Variants in EMG1 observed in about 807,000 individuals in gnomAD.
EMG1 encodes the protein ribosomal RNA small subunit methyltransferase NEP1.
Under a neutral mutation model 26.9 loss-of-function variants are expected in EMG1, and 24 were observed. The observed-to-expected ratio is 0.89, with a 90% CI of 0.65 to 1.26. The LOEUF (loss-of-function observed/expected upper bound fraction) is 1.26. Among genes scored for constraint, EMG1 ranks in the 50% most tolerant of loss-of-function variants. The pLI, the probability that EMG1 is intolerant of heterozygous loss-of-function variation, is 0.00. For missense variants in EMG1, 299 were observed against 307.6 expected (o/e 0.97, Z 0.21); for synonymous variants, 140 against 112.6 (o/e 1.24, Z -1.54).
chr12:6,987,497 A>G lies in EMG1; in HGVS notation c.*155-285A>G, dbSNP rs1946540994. Among the ~76,000 whole-genome samples the G allele has an allele frequency of 6.6e-6, 1 of 152,262 alleles. No homozygotes were observed. The highest frequency in any genetic ancestry group is 2.1e-4 in the South Asian group (1 of 4,836). On this transcript the variant is annotated intron_variant and NMD_transcript_variant, in intron 6 of 7. Transcript: ENST00000261406. This position sits in a 1 kb window ranked among gnomAD's most constrained non-coding sequence, Gnocchi z 4.1. ...GGCAGAGACAGAACACCAGGTTAGCAGCAAATATTGCTAAGAACTAGAGCC... is the reference window on the plus strand; with the variant it reads ...GGCAGAGACAGAACACCAGGTTAGCGGCAAATATTGCTAAGAACTAGAGCC...
In EMG1 at chr12:6,975,713, A is replaced by G. The variant is rs1555153067; in HGVS notation, c.639A>G (p.Thr213=). 1.9e-6 allele frequency: 3 copies of G among 1,611,194 alleles called. No individual in the cohort carries two copies. The highest frequency in any genetic ancestry group is 1.3e-5 in the African/African-American group (1 of 75,032). The part of the protein sequence containing the change: ...FAHGKVSVEY[T]EKMVSISNYP... ...TTTCTTAGGTCAGTGTGGAGTATAC[A>G]GAGAAGATGGTGTCCATCAGTAACT... is the stretch of plus-strand genomic sequence containing the variant. Residue 213 remains threonine (T), a synonymous_variant, in exon 6 of 6, where the codon ACA becomes ACG. Transcript: ENST00000599672.
chr12:6,981,036 C>G (rs782472662), downstream of EMG1: 2 of 1,606,820 alleles, frequency 1.2e-6, no homozygotes, highest in South Asian at 2.2e-5. Context: ...TGTCAATCAG[C>G]TCTCCCTGCA....
At chr12:6,982,717 G>C, downstream of EMG1, 2 of 1,614,002 alleles carry the variant, frequency 1.2e-6, no homozygotes, top group Non-Finnish European at 1.7e-6. Flanking sequence ...GTGATGGTGC[G>C]GCCCATTAGT....
chr12:6,975,270 T>C lies in EMG1; in HGVS notation c.513T>C (p.Cys171=), dbSNP rs139761201. 3,427 of 1,613,564 alleles carry C rather than the reference T, an allele frequency of 2.1e-3. 65 individuals are homozygous for C. In the South Asian group the frequency reaches 0.026, roughly 12 times the overall value. Residue 171 remains cysteine (C), a synonymous_variant, in exon 5 of 6, where the codon TGT becomes TGC. Transcript: ENST00000599672. ...TATCAGATCACTTTCCAGTTGGATG[T>C]ATGAAAGTTGGCACTTCTTTTTCCA... The part of the protein sequence containing the change: ...NPVSDHFPVG[C]MKVGTSFSIP...
intron 1 of EMG1, among the ~76,000 whole-genome samples, chr12:6,973,504 C>T (rs782739529): frequency 6.6e-6 from 1 of 151,888 alleles, no homozygotes; most frequent in Non-Finnish European, 1.5e-5. Flanking sequence ...ACCCCTCTTC[C>T]TTTTACTTCT....
chr12:6,975,890 G>C lies in EMG1; in HGVS notation c.*81G>C. 2 of 840,138 alleles carry C rather than the reference G, an allele frequency of 2.4e-6. No individual in the cohort carries two copies. The highest frequency in any genetic ancestry group is 4.1e-6 in the Non-Finnish European group (2 of 492,924). The allele number at this position is 840,138 out of a possible 1,614,324, so 52.0% of individuals were successfully genotyped here. A position where few individuals can be genotyped will look rare whatever the true frequency, so the allele number is the denominator to read the frequency against. ...TGGTCTGAGCTGACTGCTGGAAGATGATCTTTCTGCACTGAGACTGTGGAG... is the reference window on the plus strand; with the variant it reads ...TGGTCTGAGCTGACTGCTGGAAGATCATCTTTCTGCACTGAGACTGTGGAG... On this transcript the variant is annotated 3_prime_UTR_variant, in exon 6 of 6. Transcript: ENST00000599672.
At chr12:6,975,557 CCTT>C in intron 5 of EMG1, 136 bp from the exon 6 acceptor site, 3 of 935,024 alleles carry the variant, frequency 3.2e-6, no homozygotes, top group South Asian at 1.4e-5. Context: ...ACAGTTAGGA[CCTT>C]CTTCATCCTT....
chr12:6,976,841 T>G lies in EMG1; in HGVS notation c.*1032T>G. On this transcript the variant is annotated 3_prime_UTR_variant, in exon 6 of 6. Transcript: ENST00000599672. The stretch of plus-strand genomic sequence containing the variant: ...CATTCTCTGCTCTGGGGCAAAGGAG[T>G]GCTGTGAAAAGGGAGACGAGTAGTT... 1 of 257,542 alleles carries G rather than the reference T, an allele frequency of 3.9e-6. No homozygotes were observed. Among genetic ancestry groups the G allele is most frequent in the African/African-American group, 2.2e-5 (1 of 45,358 alleles). The allele number at this position is 257,542 out of a possible 1,614,324, so 16.0% of individuals were successfully genotyped here.
In EMG1 at chr12:6,977,740, A is replaced by G. The variant is rs80101148; in HGVS notation, c.*1931A>G. ...TCCAAGGAACTTGAGTCGTTTGAAG[A>G]TGTAGCTGGAGAAAAGGGTGGGTGG... On this transcript the variant is annotated 3_prime_UTR_variant, in exon 6 of 6. Coordinates refer to ENST00000599672, the MANE Select transcript of EMG1 (RefSeq NM_006331.8). This position sits in a 1 kb window ranked among gnomAD's most constrained non-coding sequence, Gnocchi z 4.5. The G allele has an allele frequency of 6.5e-4, 1,053 of 1,614,004 alleles. 6 individuals carry two copies. The African/African-American group carries it at 0.013, about 19-fold the overall frequency.
intron 7 of EMG1, among the ~76,000 whole-genome samples, chr12:6,995,114 C>A (rs1488942271): frequency 2.6e-5 from 3 of 115,152 alleles, no homozygotes; most frequent in African/African-American, 9.5e-5. Context: ...AATCAGCCTT[C>A]TCTGGGCTTT....
At chr12:6,992,197 G>A (rs1183060520), downstream of EMG1, among the ~76,000 whole-genome samples, 1 of 152,020 alleles carries the variant, frequency 6.6e-6, no homozygotes, top group African/African-American at 2.4e-5. Flanking sequence ...TTAGCCAGGT[G>A]TGGTGGTGCA....
downstream of EMG1, among the ~76,000 whole-genome samples, chr12:6,992,417 TGCAGTGACCACTGGTACAGTTTG>T (rs748094186): frequency 5.6e-4 from 85 of 152,276 alleles, no homozygotes; most frequent in Non-Finnish European, 1.0e-3. Flanking sequence ...CAGTAAAGAA[TGCAGTGACCACTGGTACAGTTTG>T]GTGTCACCGT....
chr12:6,973,518 A>G (rs1946357443), intron 1 of EMG1, among the ~76,000 whole-genome samples: 1 of 151,518 alleles, frequency 6.6e-6, no homozygotes, highest in African/African-American at 2.4e-5. Context: ...TACTTCTGAG[A>G]GTTTTCTTTG....
chr12:6,975,224 T>G lies in EMG1; in HGVS notation c.472-5T>G. On this transcript the variant is annotated splice_polypyrimidine_tract_variant and splice_region_variant and intron_variant, in intron 4 of 5. Transcript: ENST00000599672. ...GGGCTGACTTTTCTCTCTTTTTTAC[T>G]TTAGGTAATTAAGAATCCAGTATCA... 1 of 1,613,966 alleles carries G rather than the reference T, an allele frequency of 6.2e-7. No individual in the cohort carries two copies. Among genetic ancestry groups the G allele is most frequent in the Non-Finnish European group, 8.5e-7 (1 of 1,179,836 alleles).
At chr12:6,975,011 T>A in intron 3 of EMG1, 79 bp from the exon 4 acceptor site, 1 of 1,392,996 alleles carries the variant, frequency 7.2e-7, no homozygotes, top group Non-Finnish European at 1.0e-6. Flanking sequence ...ATCTTATCCA[T>A]GGGGTTTTCC....
In EMG1 at chr12:6,978,681, G is replaced by A; in HGVS notation, c.*2872G>A. 1 of 1,614,140 alleles carries A rather than the reference G, an allele frequency of 6.2e-7. No homozygotes were observed. The highest frequency in any genetic ancestry group is 1.1e-5 in the South Asian group (1 of 91,066). The stretch of plus-strand genomic sequence containing the variant: ...GCATGTACATGCAGCGGAACCAGAA[G>A]GGGTGGTTCTTGAGGGAAGAAAGCA... On this transcript the variant is annotated 3_prime_UTR_variant, in exon 6 of 6. Transcript: ENST00000599672.
In EMG1 at chr12:6,987,831, G is replaced by A. The variant is rs868967848; in HGVS notation, c.*204G>A. 4 of 400,542 alleles carry A rather than the reference G, an allele frequency of 1.0e-5. No homozygotes were observed. The highest frequency in any genetic ancestry group is 1.3e-4 in the South Asian group (1 of 7,956). The allele number at this position is 400,542 out of a possible 1,614,324, so 24.8% of individuals were successfully genotyped here. On this transcript the variant is annotated 3_prime_UTR_variant and NMD_transcript_variant, in exon 7 of 8. Transcript: ENST00000261406. This position sits in a 1 kb window ranked among gnomAD's most constrained non-coding sequence, Gnocchi z 4.1. ...AGTAAAGTCATGATGGCTTTATGAC[G>A]TTCTGAGGTATGTGAAATTGTCTGC... is the stretch of plus-strand genomic sequence containing the variant.
downstream of EMG1, chr12:6,983,535 G>A (rs1555154416): frequency 1.3e-6 from 2 of 1,594,848 alleles, no homozygotes; most frequent in Admixed American, 3.3e-5. Context: ...AAGCAAAGGG[G>A]TAACCTAGAT....
At chr12:6,992,574 A>G (rs1946599343), downstream of EMG1, among the ~76,000 whole-genome samples, 1 of 152,218 alleles carries the variant, frequency 6.6e-6, no homozygotes, top group Admixed American at 6.5e-5. Context: ...CCCCAAAGAG[A>G]TTCCTTAAAG....
Sources: allele counts gnomAD v4.1 joint callset (sites outside exome capture counted in the v4.1 genomes callset), GRCh38; gene constraint gnomAD v4.1.1; non-coding constraint Gnocchi (gnomAD v3.1); transcripts MANE v1.5; gene names NCBI Gene and HGNC (gene_info 2026-07-23, HGNC 2026-07-21).